The following CD2BP2 variants were observed in gnomAD, a reference collection of about 807,000 sequenced individuals.
CD2BP2 encodes the protein CD2 antigen cytoplasmic tail-binding protein 2.
Under a neutral mutation model 35.9 loss-of-function variants are expected in CD2BP2, and 27 were observed. The observed-to-expected ratio is 0.75, with a 90% CI of 0.55 to 1.04. The LOEUF (loss-of-function observed/expected upper bound fraction) is 1.04. Ranked by LOEUF, CD2BP2 falls within the 50% of genes least tolerant of loss-of-function variation. The pLI, the probability that CD2BP2 is intolerant of heterozygous loss-of-function variation, is 0.00. For missense variants in CD2BP2, 497 were observed against 444.3 expected (o/e 1.12, Z -1.07); for synonymous variants, 213 against 173.5 (o/e 1.23, Z -1.79).
At chr16:30,355,079 AC>A (rs1240210380) in intron 1 of CD2BP2, 132 bp downstream of exon 1, 1 of 244,636 alleles carries the variant, frequency 4.1e-6, no homozygotes, top group Non-Finnish European at 8.2e-6. Flanking sequence ...CAGACCCAGG[AC>A]CTGGCGCTCT....
At chr16:30,354,456 C>A (rs1190110335) in intron 2 of CD2BP2, 134 bp from the exon 3 acceptor site, 4 of 1,362,142 alleles carry the variant, frequency 2.9e-6, no homozygotes, top group African/African-American at 1.5e-5. Flanking sequence ...AGGAGCCACA[C>A]TAAAGACGCT....
Position 30,353,616 on chromosome 16 carries a change from C to G in CD2BP2, c.560G>C (p.Arg187Thr). 1.2e-6 allele frequency: 2 copies of G among 1,613,876 alleles called. No individual in the cohort carries two copies. The highest frequency in any genetic ancestry group is 2.7e-5 in the African/African-American group (2 of 75,050). ...GGAACTGGGTTGCCCAGGCCCCTTT[C>G]TCCCTTTGCCTCCTCCTCGGGCCCC... is the stretch of plus-strand genomic sequence containing the variant. ...RLGARGGGKGRKGPGQPSSPQ... is the reference protein window; with the variant it reads ...RLGARGGGKGTKGPGQPSSPQ... Residue 187 changes from arginine to threonine, a missense_variant, in exon 5 of 7, where the codon AGA (arginine) becomes ACA (threonine). Physicochemically the swap from Arg to Thr is moderately conservative, Grantham distance 71. Coordinates refer to ENST00000305596, the MANE Select transcript of CD2BP2 (RefSeq NM_006110.3).
In CD2BP2 at chr16:30,353,020, T is replaced by C; in HGVS notation, c.991A>G (p.Asn331Asp). The change falls in exon 7 of 7, where the codon AAC becomes GAC. Residue 331 changes from asparagine to aspartate, a missense_variant. Coordinates refer to ENST00000305596, the MANE Select transcript of CD2BP2 (RefSeq NM_006110.3). Reference protein sequence around the residue: ...KLDPPGGQFYNSKRIDFDLYT With the variant: ...KLDPPGGQFYDSKRIDFDLYT ...AGGTCAAAGTCAATGCGTTTGGAGT[T>C]GTAGAACTGACCACCAGGGGGGTCC... 7 of 1,613,774 alleles carry C rather than the reference T, an allele frequency of 4.3e-6. No homozygotes were observed. The highest frequency in any genetic ancestry group is 5.9e-6 in the Non-Finnish European group (7 of 1,179,806).
intron 5 of CD2BP2, 30 bp downstream of exon 5, chr16:30,353,338 A>G (rs371747799): frequency 1.9e-6 from 3 of 1,613,096 alleles, no homozygotes; most frequent in Non-Finnish European, 2.5e-6. Flanking sequence ...CTTCCTACCC[A>G]CTGCCCCCTC....
chr16:30,354,280 A>T lies in CD2BP2; in HGVS notation c.121T>A (p.Phe41Ile). The T allele has an allele frequency of 6.2e-7, 1 of 1,613,772 alleles. No individual in the cohort carries two copies. ...VAGSGGPGSR[F>I]KGKHSLDSDE... is the part of the protein sequence containing the mutation. ...CTATCCAAAGAGTGTTTGCCTTTAA[A>T]GCGGCTCCCAGGACCCCCTGACCCA... is the stretch of plus-strand genomic sequence containing the variant. The change falls in exon 3 of 7, where the codon TTT becomes ATT. Residue 41 changes from phenylalanine to isoleucine, a missense_variant. Coordinates refer to ENST00000305596, the MANE Select transcript of CD2BP2 (RefSeq NM_006110.3).
chr16:30,354,393 A>C, intron 2 of CD2BP2, 71 bp from the exon 3 acceptor site: 2 of 1,531,884 alleles, frequency 1.3e-6, no homozygotes, highest in Non-Finnish European at 1.8e-6. Context: ...CCGGATCTGG[A>C]CCCAAATATT....
rs1424079455 is a variant in CD2BP2, at chr16:30,354,423, T to C, written c.79-101A>G. On this transcript the variant is annotated intron_variant, in intron 2 of 6. Coordinates refer to ENST00000305596, the MANE Select transcript of CD2BP2 (RefSeq NM_006110.3). ...AATATTCCCCAAATATTTCAGGATCTCGACTACTTCCCCAAATATTTCAGG... is the reference window on the plus strand; with the variant it reads ...AATATTCCCCAAATATTTCAGGATCCCGACTACTTCCCCAAATATTTCAGG... 2.1e-6 allele frequency: 3 copies of C among 1,443,186 alleles called. No individual in the cohort carries two copies. The African/African-American group carries it at 4.3e-5, about 21-fold the overall frequency. The allele number at this position is 1,443,186 out of a possible 1,614,324, so 89.4% of individuals were successfully genotyped here. A position where few individuals can be genotyped will look rare whatever the true frequency, so the allele number is the denominator to read the frequency against.
chr16:30,353,294 T>C lies in CD2BP2; in HGVS notation c.809-7A>G, dbSNP rs957224374. On this transcript the variant is annotated splice_polypyrimidine_tract_variant and splice_region_variant and intron_variant, in intron 5 of 6. Coordinates refer to ENST00000305596, the MANE Select transcript of CD2BP2 (RefSeq NM_006110.3). Reference sequence around the variant, plus strand: ...TCTCCCCGCGACTCTGCTTCTAAAATAACAGGCAAAGCCATTTGGCCTCCA... The same window carrying C: ...TCTCCCCGCGACTCTGCTTCTAAAACAACAGGCAAAGCCATTTGGCCTCCA... The C allele has an allele frequency of 2.5e-6, 4 of 1,613,928 alleles. No homozygotes were observed. Among genetic ancestry groups the C allele is most frequent in the Non-Finnish European group, 3.4e-6 (4 of 1,179,912 alleles).
chr16:30,354,669 TCCTCTTTGG>T lies in CD2BP2; in HGVS notation c.4_12del (p.Pro2_Arg4del). On this transcript the variant is annotated inframe_deletion, in exon 2 of 7. Coordinates refer to ENST00000305596, the MANE Select transcript of CD2BP2 (RefSeq NM_006110.3). ...TCTCCCACGCCTTGGAAGGTCACTT[TCCTCTTTGG>T]CATGACGGGGCAAAGAGGTGTTTCT... The T allele has an allele frequency of 6.2e-7, 1 of 1,613,910 alleles. No individual in the cohort carries two copies. The highest frequency in any genetic ancestry group is 8.5e-7 in the Non-Finnish European group (1 of 1,179,982).
rs761568373 is a variant in CD2BP2 at position 30,354,667 on chromosome 16, T to C, written c.15A>G (p.Lys5=). The change falls in exon 2 of 7, where the codon AAA becomes AAG. Residue 5 remains lysine (K), a synonymous_variant. Coordinates refer to ENST00000305596, the MANE Select transcript of CD2BP2 (RefSeq NM_006110.3). The stretch of plus-strand genomic sequence containing the variant: ...CATCTCCCACGCCTTGGAAGGTCAC[T>C]TTCCTCTTTGGCATGACGGGGCAAA... The part of the protein sequence containing the change: MPKR[K]VTFQGVGDEE... 2 of 1,614,038 alleles carry C rather than the reference T, an allele frequency of 1.2e-6. No individual in the cohort carries two copies. Among genetic ancestry groups the C allele is most frequent in the Non-Finnish European group, 1.7e-6 (2 of 1,179,996 alleles).
At position 30,354,209 on chromosome 16, in the gene CD2BP2, G is replaced by A. The variant is rs2049513226; in HGVS notation, c.192C>T (p.Asp64=). The A allele has an allele frequency of 3.1e-6, 5 of 1,613,970 alleles. No individual in the cohort carries two copies. The Admixed American group carries it at 5.0e-5, about 16-fold the overall frequency. ...CTTCTACATCCTCTGAGGCCAAGAT[G>A]TCATATTTGCTGGACCCCCCATCAT... is the stretch of plus-strand genomic sequence containing the variant. ...DDDDGGSSKY[D]ILASEDVEGQ... The change falls in exon 3 of 7, where the codon GAC becomes GAT. Residue 64 remains aspartate (D), a synonymous_variant. Transcript: ENST00000305596.
At position 30,353,070 on chromosome 16, in the gene CD2BP2, G is replaced by A. The variant is rs768023069; in HGVS notation, c.941C>T (p.Pro314Leu). Residue 314 changes from proline (P) to leucine (L), a missense_variant, in exon 7 of 7, where the codon CCG (proline) becomes CTG (leucine). Transcript: ENST00000305596. ...MQTWVSEGYFPDGVYCRKLDP... is the reference protein window; with the variant it reads ...MQTWVSEGYFLDGVYCRKLDP... ...CAGCTTCCGGCAATAAACACCGTCC[G>A]GGAAGTAGCCTTCACTCACCCAGGT... is the stretch of plus-strand genomic sequence containing the variant. The A allele has an allele frequency of 6.8e-6, 11 of 1,613,958 alleles. No homozygotes were observed. Among genetic ancestry groups the A allele is most frequent in the South Asian group, 3.3e-5 (3 of 91,078 alleles).
Position 30,353,930 on chromosome 16 carries a change from G to A in CD2BP2, c.346C>T (p.Arg116Ter), listed in dbSNP as rs536876072. 1.1e-5 allele frequency: 18 copies of A among 1,614,096 alleles called. No individual in the cohort carries two copies. The highest frequency in any genetic ancestry group is 3.3e-5 in the South Asian group (3 of 91,084). ...TCAATGTTGTCCAGCCAGCTGTCTC[G>A]GATCTGAGCATCCCGGTTCAGGAAG... is the stretch of plus-strand genomic sequence containing the variant. ...NYFLNRDAQIRDSWLDNIDWV... is the reference protein window; with the variant it reads ...NYFLNRDAQI Residue 116 changes from arginine (R) to a stop codon, truncating the protein, a stop_gained, in exon 4 of 7, where the codon CGA (arginine) becomes TGA (stop). Transcript: ENST00000305596. LOFTEE classifies it high-confidence loss of function.
chr16:30,354,764 G>A, intron 1 of CD2BP2, 57 bp from the exon 2 acceptor site: 4 of 1,157,782 alleles, frequency 3.5e-6, no homozygotes, highest in Non-Finnish European at 5.2e-6. Flanking sequence ...GCCAACAGAC[G>A]CAGCACAGCA....
rs1398546550 is a variant in CD2BP2, at chr16:30,353,427, A to G, written c.749T>C (p.Met250Thr). The change falls in exon 5 of 7, where the codon ATG becomes ACG. Residue 250 changes from methionine (M) to threonine (T), a missense_variant. Coordinates refer to ENST00000305596, the MANE Select transcript of CD2BP2 (RefSeq NM_006110.3). ...HNPTPPPSLD[M>T]FAEELAEEEL... is the part of the protein sequence containing the mutation. ...CTCCTCCGCCAACTCCTCAGCGAACATGTCCAGGGAGGGTGGGGGTGTGGG... is the reference window on the plus strand; with the variant it reads ...CTCCTCCGCCAACTCCTCAGCGAACGTGTCCAGGGAGGGTGGGGGTGTGGG... 7 of 1,613,654 alleles carry G rather than the reference A, an allele frequency of 4.3e-6. No homozygotes were observed. The highest frequency in any genetic ancestry group is 5.9e-6 in the Non-Finnish European group (7 of 1,179,694).
Position 30,350,857 on chromosome 16 carries a change from G to A in CD2BP2, c.*2128C>T, listed in dbSNP as rs1380468462. 1 of 152,416 alleles carries A rather than the reference G, an allele frequency of 6.6e-6. No individual in the cohort carries two copies. Among genetic ancestry groups the A allele is most frequent in the Non-Finnish European group, 1.5e-5 (1 of 68,046 alleles). 9.4% of individuals were successfully genotyped at this position (152,416 alleles called of 1,614,324 possible). A position where few individuals can be genotyped will look rare whatever the true frequency, so the allele number is the denominator to read the frequency against. On this transcript the variant is annotated 3_prime_UTR_variant, in exon 7 of 7. Transcript: ENST00000305596. ...TTCACCAGGCTGAAGTCTTGTCAGT[G>A]CGGCTTTGTTTCTCCACGGAGGCTC...
At chr16:30,354,116 C>T (rs2049511939) in intron 3 of CD2BP2, 58 bp from the exon 4 acceptor site, 1 of 1,612,004 alleles carries the variant, frequency 6.2e-7, no homozygotes, top group African/African-American at 1.3e-5. Context: ...CCGGAGCCTC[C>T]CTCGCTCCAC....
In CD2BP2 at chr16:30,353,975, A is replaced by T. The variant is rs760915968; in HGVS notation, c.301T>A (p.Phe101Ile). 1.2e-6 allele frequency: 2 copies of T among 1,614,176 alleles called. No homozygotes were observed. The highest frequency in any genetic ancestry group is 1.7e-6 in the Non-Finnish European group (2 of 1,180,018). The change falls in exon 4 of 7, where the codon TTT becomes ATT. Residue 101 changes from phenylalanine (F) to isoleucine (I), a missense_variant. Phe to Ile is a conservative substitution (Grantham distance 21). Transcript: ENST00000305596. ...NLQEEMEEGH[F>I]DADGNYFLNR... ...AGGAAGTAGTTGCCATCGGCATCAA[A>T]GTGGCCTTCCTCCATCTCCTCCTGC...
Position 30,353,028 on chromosome 16 carries a change from T to C in CD2BP2, c.983A>G (p.Gln328Arg), listed in dbSNP as rs2049495560. 1 of 1,613,888 alleles carries C rather than the reference T, an allele frequency of 6.2e-7. No homozygotes were observed. The highest frequency in any genetic ancestry group is 8.5e-7 in the Non-Finnish European group (1 of 1,179,922). Residue 328 changes from glutamine to arginine, a missense_variant, in exon 7 of 7, where the codon CAG (glutamine) becomes CGG (arginine). Physicochemically the swap from Gln to Arg is conservative, Grantham distance 43. Transcript: ENST00000305596. ...YCRKLDPPGG[Q>R]FYNSKRIDFD... ...GTCAATGCGTTTGGAGTTGTAGAAC[T>C]GACCACCAGGGGGGTCCAGCTTCCG... is the stretch of plus-strand genomic sequence containing the variant.
Sources: allele counts gnomAD v4.1 joint callset, GRCh38; gene constraint gnomAD v4.1.1; transcripts MANE v1.5; gene names NCBI Gene and HGNC (gene_info 2026-07-23, HGNC 2026-07-21).